FHIT: variants seen among roughly 807,000 people sequenced by gnomAD.
The protein encoded by FHIT is fragile histidine triad diadenosine triphosphatase.
In FHIT, 19 loss-of-function variants were observed where a neutral mutation model predicts 17.9. The ratio of observed to expected loss-of-function variants is 1.06; its 90% confidence interval spans 0.74 to 1.56. The LOEUF is 1.56. FHIT is among the 40% of genes most tolerant of loss of function. The pLI, the probability that FHIT is intolerant of heterozygous loss-of-function variation, is 0.00. For missense variants in FHIT, 248 were observed against 189.2 expected, an observed-to-expected ratio of 1.31 and a Z score of -1.82; for synonymous variants, 81 against 69.7, an observed-to-expected ratio of 1.16 and a Z score of -0.81.
intron 2 of FHIT, among the ~76,000 whole-genome samples, chr3:61,089,769 T>A (rs914352979): frequency 6.6e-6 from 1 of 152,086 alleles, no homozygotes; most frequent in African/African-American, 2.4e-5. Flanking sequence ...TATCCCCCCA[T>A]AACCAAAGAG....
At chr3:60,518,735 G>A (rs2035249839) in intron 5 of FHIT, among the ~76,000 whole-genome samples, 1 of 152,198 alleles carries the variant, frequency 6.6e-6, no homozygotes, top group East Asian at 1.9e-4. Flanking sequence ...CAGGCTGGGT[G>A]CGCTGGCTCA....
intron 7 of FHIT, among the ~76,000 whole-genome samples, chr3:59,991,907 G>C (rs1699288412): frequency 6.6e-6 from 1 of 152,012 alleles, no homozygotes; most frequent in Non-Finnish European, 1.5e-5. Flanking sequence ...CCTGAAGTCA[G>C]AAACTTCCCT....
chr3:61,044,254 C>T (rs1373083573), intron 2 of FHIT, among the ~76,000 whole-genome samples: 9 of 152,162 alleles, frequency 5.9e-5, no homozygotes, highest in Admixed American at 5.2e-4. Flanking sequence ...ACATGAATGG[C>T]TAACTAGAAT....
At chr3:60,293,211 G>A in intron 5 of FHIT, among the ~76,000 whole-genome samples, 1 of 152,036 alleles carries the variant, frequency 6.6e-6, no homozygotes, top group East Asian at 1.9e-4. Context: ...ATATGATATA[G>A]GGTCATTAAT....
At chr3:61,163,078 G>A (rs1427228307) in intron 2 of FHIT, among the ~76,000 whole-genome samples, 2 of 152,136 alleles carry the variant, frequency 1.3e-5, no homozygotes, top group Non-Finnish European at 2.9e-5. Context: ...GTAGGACTGT[G>A]CTGTACTCCT....
At chr3:59,911,346 G>T (rs1704864607) in intron 8 of FHIT, among the ~76,000 whole-genome samples, 1 of 152,156 alleles carries the variant, frequency 6.6e-6, no homozygotes, top group South Asian at 2.1e-4. Context: ...GAACGTAGAG[G>T]GGATGACACA....
chr3:59,810,419 A>C (rs1700369603), intron 8 of FHIT, among the ~76,000 whole-genome samples: 1 of 152,238 alleles, frequency 6.6e-6, no homozygotes, highest in Admixed American at 6.5e-5. Flanking sequence ...TGACCCTCCC[A>C]AATCAATCAA....
chr3:60,071,391 C>T (rs529121602), intron 5 of FHIT, among the ~76,000 whole-genome samples: 1 of 152,116 alleles, frequency 6.6e-6, no homozygotes, highest in Non-Finnish European at 1.5e-5. Flanking sequence ...ACTAAAATTA[C>T]ACAAGTGGCT....
chr3:60,498,862 C>T (rs2034409474), intron 5 of FHIT, among the ~76,000 whole-genome samples: 1 of 152,008 alleles, frequency 6.6e-6, no homozygotes, highest in African/African-American at 2.4e-5. Context: ...TGGTTAAACT[C>T]AAGAAAAAGC....
chr3:60,585,334 G>A (rs1403296417), intron 4 of FHIT, among the ~76,000 whole-genome samples: 1 of 151,948 alleles, frequency 6.6e-6, no homozygotes, highest in Non-Finnish European at 1.5e-5. Context: ...TCTTCAGAAA[G>A]CAATTTTTGG....
intron 5 of FHIT, among the ~76,000 whole-genome samples, chr3:60,161,350 A>G (rs1380914474): frequency 6.6e-6 from 1 of 152,204 alleles, no homozygotes; most frequent in African/African-American, 2.4e-5. Flanking sequence ...GTCATGGCCA[A>G]TCCTGAATAA....
At chr3:60,173,884 AATATATATATATATATATATATAT>A (rs776742490) in intron 5 of FHIT, among the ~76,000 whole-genome samples, 1 of 30,514 alleles carries the variant, frequency 3.3e-5, no homozygotes, top group Admixed American at 5.9e-4. Flanking sequence ...CCATGTTTCT[AATATATATATATATATATATATAT>A]ATATATATGT....
chr3:61,004,317 A>G (rs1395708234), intron 3 of FHIT, among the ~76,000 whole-genome samples: 3 of 152,182 alleles, frequency 2.0e-5, no homozygotes, highest in African/African-American at 7.2e-5. Context: ...GTGTTTGCCC[A>G]GTGTACATAT....
At chr3:60,600,487 T>A (rs2107712228) in intron 4 of FHIT, among the ~76,000 whole-genome samples, 2 of 152,290 alleles carry the variant, frequency 1.3e-5, no homozygotes, top group South Asian at 2.1e-4. Flanking sequence ...ATAAGGATTT[T>A]AAAAAGCTAA....
intron 5 of FHIT, among the ~76,000 whole-genome samples, chr3:60,328,777 T>C (rs1430044156): frequency 1.3e-5 from 2 of 152,206 alleles, no homozygotes; most frequent in Non-Finnish European, 2.9e-5. Flanking sequence ...CAAAAATGTG[T>C]CTTGATTAAT....
intron 3 of FHIT, among the ~76,000 whole-genome samples, chr3:60,852,798 G>A (rs1449935742): frequency 2.6e-5 from 4 of 151,886 alleles, no homozygotes; most frequent in African/African-American, 9.7e-5. Flanking sequence ...GAAACCAGGA[G>A]TTTGAGACAA....
chr3:59,761,268 C>A (rs1353203647), intron 8 of FHIT, among the ~76,000 whole-genome samples: 2 of 152,162 alleles, frequency 1.3e-5, no homozygotes, highest in Admixed American at 6.5e-5. Context: ...CAATATCAAA[C>A]TTGGTAAAAA....
intron 8 of FHIT, among the ~76,000 whole-genome samples, chr3:59,896,405 C>T (rs561873941): frequency 6.6e-6 from 1 of 152,258 alleles, no homozygotes; most frequent in South Asian, 2.1e-4. Context: ...TCAAATTAAA[C>T]TCCAAATAGC....
Position 60,168,946 on chromosome 3 carries a change from C to T in FHIT, c.104-154794G>A, listed in dbSNP as rs146294206. On this transcript the variant is annotated intron_variant, in intron 5 of 9. Transcript: ENST00000492590. ...AACCTGAAACACTAACTTGACATATCGGGATGTGTGCTGCTATATTCACTG... is the reference window on the plus strand; with the variant it reads ...AACCTGAAACACTAACTTGACATATTGGGATGTGTGCTGCTATATTCACTG... Among the ~76,000 whole-genome samples the T allele has an allele frequency of 3.3e-3, 508 of 152,284 alleles. 1 individual carries two copies. Among genetic ancestry groups the T allele is most frequent in the African/African-American group, 0.011 (452 of 41,560 alleles).
Sources: gnomAD v4.1 joint callset for allele counts (sites outside exome capture counted in the v4.1 genomes callset) on GRCh38, gnomAD v4.1.1 for gene constraint, MANE v1.5 for transcripts, NCBI Gene and HGNC (gene_info 2026-07-23, HGNC 2026-07-21) for gene names.